The following CTNNA2 variants were observed in gnomAD, a reference collection of about 807,000 sequenced individuals.
The protein encoded by CTNNA2 is catenin alpha 2, also known as catenin alpha-2.
In CTNNA2, 42 loss-of-function variants were observed where a neutral mutation model predicts 101.0. The ratio of observed to expected loss-of-function variants is 0.42; its 90% CI spans 0.32 to 0.54. The LOEUF is 0.54. CTNNA2 is among the 20% of genes least tolerant of loss of function. CTNNA2 has a pLI of 0.14. For missense variants in CTNNA2, 871 were observed against 1,223.1 expected (o/e 0.71, Z 4.29); for synonymous variants, 450 against 456.4 (o/e 0.99, Z 0.18).
At chr2:79,997,345 A>G (rs1692625346) in intron 7 of CTNNA2, among the ~76,000 whole-genome samples, 1 of 148,878 alleles carries the variant, frequency 6.7e-6, no homozygotes, top group African/African-American at 2.4e-5. Context: ...AGGAAGGAAA[A>G]GAAAAGGAAG....
At chr2:80,338,181 G>T (rs1290388474) in intron 7 of CTNNA2, among the ~76,000 whole-genome samples, 1 of 151,790 alleles carries the variant, frequency 6.6e-6, no homozygotes, top group Non-Finnish European at 1.5e-5. Flanking sequence ...TAGAGACAGG[G>T]TTTTGCCATG....
chr2:79,423,504 T>C (rs1678559870), intron 4 of CTNNA2, among the ~76,000 whole-genome samples: 2 of 152,154 alleles, frequency 1.3e-5, no homozygotes, highest in Admixed American at 6.6e-5. Flanking sequence ...CACAAAAAAA[T>C]CCTGTTATTG....
At chr2:79,536,885 A>G (rs1673108083) in intron 1 of CTNNA2, among the ~76,000 whole-genome samples, 1 of 151,998 alleles carries the variant, frequency 6.6e-6, no homozygotes, top group Non-Finnish European at 1.5e-5. Flanking sequence ...GTATTTTAGT[A>G]GAGACGGGGT....
At chr2:80,022,790 A>G (rs1392793093) in intron 7 of CTNNA2, among the ~76,000 whole-genome samples, 1 of 152,150 alleles carries the variant, frequency 6.6e-6, no homozygotes, top group Non-Finnish European at 1.5e-5. Context: ...ATGTGGAGGC[A>G]AGAGAGATTA....
At chr2:79,366,585 T>C (rs1229250295) in intron 3 of CTNNA2, among the ~76,000 whole-genome samples, 1 of 152,188 alleles carries the variant, frequency 6.6e-6, no homozygotes, top group Non-Finnish European at 1.5e-5. Flanking sequence ...ACCTAACTTT[T>C]AGAGAGTTTC....
intron 8 of CTNNA2, among the ~76,000 whole-genome samples, chr2:80,397,313 C>A (rs997381217): frequency 1.3e-5 from 2 of 152,186 alleles, no homozygotes; most frequent in African/African-American, 4.8e-5. Context: ...GTATTGACCA[C>A]ATTTAATCCA....
At chr2:79,872,621 C>A in intron 5 of CTNNA2, among the ~76,000 whole-genome samples, 1 of 151,972 alleles carries the variant, frequency 6.6e-6, no homozygotes, top group East Asian at 1.9e-4. Context: ...AATGCTTAAG[C>A]AAAGGGGGAA....
chr2:79,354,128 T>C (rs923711263), intron 3 of CTNNA2, among the ~76,000 whole-genome samples: 3 of 152,184 alleles, frequency 2.0e-5, no homozygotes, highest in African/African-American at 7.2e-5. Flanking sequence ...GAGTTGACCT[T>C]GGAAAACCTA....
At chr2:79,920,406 G>A (rs1686573812) in intron 7 of CTNNA2, among the ~76,000 whole-genome samples, 1 of 152,098 alleles carries the variant, frequency 6.6e-6, no homozygotes, top group South Asian at 2.1e-4. Flanking sequence ...TCCTCTGTTG[G>A]AATTTACTTT....
At chr2:79,197,735 G>A (rs12477301) in intron 1 of CTNNA2, among the ~76,000 whole-genome samples, 2,578 of 152,238 alleles carry the variant, frequency 0.017, 97 homozygotes, top group East Asian at 0.1. Context: ...CCTCTGTGCC[G>A]TGGGTTTTAC....
At chr2:80,463,005 T>C (rs1331303815) in intron 9 of CTNNA2, among the ~76,000 whole-genome samples, 1 of 152,158 alleles carries the variant, frequency 6.6e-6, no homozygotes, top group Non-Finnish European at 1.5e-5. Flanking sequence ...CCAGATTCTA[T>C]GGTTCCTGTT....
rs566219344 is a variant in CTNNA2 at position 79,976,970 on chromosome 2, A to T, written c.1056+67173A>T. Among the ~76,000 whole-genome samples the T allele has an allele frequency of 3.9e-4, 60 of 152,314 alleles. 2 individuals are homozygous for T. In the South Asian group the frequency reaches 5.0e-3, roughly 13 times the overall value. ...TGAGACTTGTTCTCAGAGTTATACA[A>T]TGAATCCTATGCTAATCCACTGTAG... On this transcript the variant is annotated intron_variant, in intron 7 of 18. Coordinates refer to ENST00000402739, the MANE Select transcript of CTNNA2 (RefSeq NM_001282597.3).
rs1193068217 is a variant in CTNNA2, at chr2:80,094,530, T to C, written c.1056+184733T>C. On this transcript the variant is annotated intron_variant, in intron 7 of 18. Transcript: ENST00000402739. ...ATATGAACTTTAAAGTAGTTTTTTC[T>C]AATTCTGTGAAGCAAGTCATTGGTA... Among the ~76,000 whole-genome samples, 136 of 152,220 alleles carry C rather than the reference T, an allele frequency of 8.9e-4. 2 individuals carry two copies. The highest frequency in any genetic ancestry group is 7.7e-4 in the East Asian group (4 of 5,168).
At chr2:79,404,892 ATTTC>A (rs1678325780) in intron 4 of CTNNA2, among the ~76,000 whole-genome samples, 2 of 152,102 alleles carry the variant, frequency 1.3e-5, no homozygotes, top group Admixed American at 1.3e-4. Context: ...ACTTGATTAT[ATTTC>A]TTTCCCTGTC....
At chr2:80,300,458 C>T (rs756054660) in intron 7 of CTNNA2, among the ~76,000 whole-genome samples, 18 of 151,954 alleles carry the variant, frequency 1.2e-4, no homozygotes, top group Non-Finnish European at 2.6e-4. Flanking sequence ...AGAAACCTAC[C>T]ACCAACCCTT....
chr2:79,237,810 C>T (rs1402777017), intron 2 of CTNNA2, among the ~76,000 whole-genome samples: 1 of 152,182 alleles, frequency 6.6e-6, no homozygotes, highest in East Asian at 1.9e-4. Flanking sequence ...CCTCTCTCAG[C>T]CATTGTAAGA....
At chr2:80,466,497 A>G (rs887952602) in intron 9 of CTNNA2, among the ~76,000 whole-genome samples, 3 of 152,200 alleles carry the variant, frequency 2.0e-5, no homozygotes, top group African/African-American at 7.2e-5. Context: ...AACATACCAA[A>G]TAATTTAAAA....
intron 8 of CTNNA2, among the ~76,000 whole-genome samples, chr2:80,417,673 T>C (rs1680160655): frequency 6.6e-6 from 1 of 152,034 alleles, no homozygotes; most frequent in South Asian, 2.1e-4. Context: ...TGTTCTTCCA[T>C]ATTTTATATT....
chr2:79,304,934 A>G (rs1676198647), intron 2 of CTNNA2, among the ~76,000 whole-genome samples: 1 of 152,146 alleles, frequency 6.6e-6, no homozygotes, highest in Non-Finnish European at 1.5e-5. Context: ...TTATGCATAA[A>G]CTGTAGAGTA....
Sources: gnomAD v4.1 joint callset for allele counts (sites outside exome capture counted in the v4.1 genomes callset) on GRCh38, gnomAD v4.1.1 for gene constraint, MANE v1.5 for transcripts, NCBI Gene and HGNC (gene_info 2026-07-23, HGNC 2026-07-21) for gene names.